FRMD4B: variants seen among roughly 807,000 people sequenced by gnomAD.
FRMD4B encodes the protein FERM domain containing 4B, also known as FERM domain-containing protein 4B.
FRMD4B carries 74 observed loss-of-function variants against 141.5 expected under a neutral mutation model. The ratio of observed to expected loss-of-function variants is 0.52; its 90% CI spans 0.43 to 0.63. FRMD4B has a LOEUF of 0.63. Ranked by LOEUF, FRMD4B falls within the 30% of genes least tolerant of loss-of-function variation. FRMD4B has a pLI of 0.00. For synonymous variants in FRMD4B, 506 were observed against 467.9 expected (o/e 1.08, Z -1.05); for missense variants, 1,366 against 1,253.4 (o/e 1.09, Z -1.36).
chr3:69,540,660 T>TATACAC (rs1241897477), intron 1 of FRMD4B, among the ~76,000 whole-genome samples: 49 of 56,848 alleles, frequency 8.6e-4, no homozygotes, highest in African/African-American at 4.9e-3. Flanking sequence ...TATATATATA[T>TATACAC]ACACACACAC....
At chr3:69,228,134 A>G (rs1189563278) in intron 7 of FRMD4B, among the ~76,000 whole-genome samples, 1 of 152,230 alleles carries the variant, frequency 6.6e-6, no homozygotes, top group African/African-American at 2.4e-5. Context: ...ACTGGCTTCT[A>G]CTGGGTAGTT....
rs762420556 is a variant in FRMD4B at position 69,195,010 on chromosome 3, C to T, written c.1488+12G>A. On this transcript the variant is annotated intron_variant, in intron 16 of 22. Transcript: ENST00000398540. ...TATGATTAATTGAAAGGCTCAGAGG[C>T]GTTGTTCATACTTCTTCACTCGGCA... 6.2e-7 allele frequency: 1 copy of T among 1,611,040 alleles called. No individual in the cohort carries two copies. Among genetic ancestry groups the T allele is most frequent in the East Asian group, 2.2e-5 (1 of 44,858 alleles).
intron 6 of FRMD4B, 94 bp from the exon 7 acceptor site, chr3:69,249,342 T>C: frequency 1.2e-6 from 1 of 826,866 alleles, no homozygotes; most frequent in South Asian, 1.6e-5. Context: ...TTAAAGTTCC[T>C]GAGTTTTGTT....
At chr3:69,441,964 C>T (rs879578630) in intron 1 of FRMD4B, among the ~76,000 whole-genome samples, 3 of 152,272 alleles carry the variant, frequency 2.0e-5, no homozygotes, top group Admixed American at 1.3e-4. Flanking sequence ...GTCTATTCGG[C>T]CCATTTCTAC....
At chr3:69,213,798 G>A (rs925933171) in intron 11 of FRMD4B, among the ~76,000 whole-genome samples, 1 of 151,764 alleles carries the variant, frequency 6.6e-6, no homozygotes, top group Non-Finnish European at 1.5e-5. Context: ...GTATAACTGG[G>A]ACTACAGGCA....
At chr3:69,386,099 G>T, upstream of FRMD4B, 2 of 1,015,076 alleles carry the variant, frequency 2.0e-6, no homozygotes, top group South Asian at 2.0e-5. Context: ...GGCAGCCGGG[G>T]GGTCAAGCCT....
At chr3:69,429,737 T>A (rs1442286019) in intron 2 of FRMD4B, among the ~76,000 whole-genome samples, 1 of 150,328 alleles carries the variant, frequency 6.7e-6, no homozygotes, top group African/African-American at 2.5e-5. Context: ...TGGTCTCTAT[T>A]TGGAGACCTC....
At chr3:69,517,592 C>A (rs1700784866) in intron 1 of FRMD4B, among the ~76,000 whole-genome samples, 1 of 152,196 alleles carries the variant, frequency 6.6e-6, no homozygotes, top group East Asian at 1.9e-4. Flanking sequence ...ATCAAAGGCC[C>A]CCAAATAACG....
At chr3:69,439,300 C>T (rs773967390) in intron 1 of FRMD4B, among the ~76,000 whole-genome samples, 2 of 152,116 alleles carry the variant, frequency 1.3e-5, no homozygotes, top group African/African-American at 4.8e-5. Flanking sequence ...AAGGATGCGA[C>T]AGCACACATC....
chr3:69,497,761 G>A (rs1037163080), intron 1 of FRMD4B, among the ~76,000 whole-genome samples: 4 of 152,148 alleles, frequency 2.6e-5, no homozygotes, highest in Middle Eastern at 3.4e-3. Flanking sequence ...CCAGGCTGGA[G>A]TGCAATGGTT....
intron 7 of FRMD4B, among the ~76,000 whole-genome samples, chr3:69,248,522 T>TACGAGTA (rs2093440102): frequency 6.6e-6 from 1 of 152,222 alleles, no homozygotes; most frequent in African/African-American, 2.4e-5. Flanking sequence ...GTAAATAATC[T>TACGAGTA]ACGAGTAACG....
At chr3:69,234,194 G>C (rs1266703661) in intron 7 of FRMD4B, among the ~76,000 whole-genome samples, 1 of 150,336 alleles carries the variant, frequency 6.7e-6, no homozygotes, top group Non-Finnish European at 1.5e-5. Flanking sequence ...GCAGTGAGCT[G>C]AGATCATGCC....
chr3:69,187,833 A>C lies in FRMD4B; in HGVS notation c.1856T>G (p.Ile619Ser). The C allele has an allele frequency of 6.2e-7, 1 of 1,611,976 alleles. No individual in the cohort carries two copies. The change falls in exon 19 of 23, where the codon ATT becomes AGT. Residue 619 changes from isoleucine (I) to serine (S), a missense_variant. Coordinates refer to ENST00000398540, the MANE Select transcript of FRMD4B (RefSeq NM_015123.3). ...CGACTTTCTGAAATGGATTCGCTCAATACCAAGAGACTTGGGGGGAAGAAT... is the reference window on the plus strand; with the variant it reads ...CGACTTTCTGAAATGGATTCGCTCACTACCAAGAGACTTGGGGGGAAGAAT... ...PRILPPKSLG[I>S]ERIHFRKSSI...
At chr3:69,251,996 AGAG>A (rs1379667395) in intron 5 of FRMD4B, among the ~76,000 whole-genome samples, 2 of 152,240 alleles carry the variant, frequency 1.3e-5, no homozygotes, top group African/African-American at 4.8e-5. Context: ...TTAAAATCTT[AGAG>A]AAGAAAAAAT....
At chr3:69,192,201 T>G (rs1053779552) in intron 17 of FRMD4B, among the ~76,000 whole-genome samples, 3 of 151,682 alleles carry the variant, frequency 2.0e-5, no homozygotes, top group African/African-American at 4.8e-5. Flanking sequence ...CTGGGCAACA[T>G]GGTGAAACCC....
At chr3:69,361,195 G>T (rs552378188) in intron 1 of FRMD4B, among the ~76,000 whole-genome samples, 1 of 151,950 alleles carries the variant, frequency 6.6e-6, no homozygotes, top group East Asian at 1.9e-4. Flanking sequence ...TTCAGATTGG[G>T]CCATTTTGGT....
intron 1 of FRMD4B, among the ~76,000 whole-genome samples, chr3:69,498,405 T>C (rs1706436948): frequency 6.6e-6 from 1 of 152,184 alleles, no homozygotes; most frequent in South Asian, 2.1e-4. Flanking sequence ...TTTTGAATGA[T>C]TTGAATGGAT....
At chr3:69,207,992 G>T (rs1322685032) in intron 11 of FRMD4B, among the ~76,000 whole-genome samples, 1 of 150,660 alleles carries the variant, frequency 6.6e-6, no homozygotes, top group Admixed American at 6.6e-5. Flanking sequence ...CAATTCTCTT[G>T]CCTCAGCCTC....
intron 1 of FRMD4B, among the ~76,000 whole-genome samples, chr3:69,383,079 C>CAT (rs1046510897): frequency 4.8e-5 from 4 of 82,828 alleles, no homozygotes; most frequent in African/African-American, 1.7e-4. Context: ...CTAAATATCT[C>CAT]ACGTCAATTA....
Sources: gnomAD v4.1 joint callset for allele counts (sites outside exome capture counted in the v4.1 genomes callset) on GRCh38, gnomAD v4.1.1 for gene constraint, MANE v1.5 for transcripts, NCBI Gene and HGNC (gene_info 2026-07-23, HGNC 2026-07-21) for gene names.